The following TMTC1 variants were observed in gnomAD, a reference collection of about 807,000 sequenced individuals.
TMTC1 encodes the protein transmembrane O-mannosyltransferase targeting cadherins 1.
TMTC1 carries 73 observed loss-of-function variants against 104.8 expected under a neutral mutation model. The observed-to-expected ratio is 0.70, with a 90% CI of 0.58 to 0.85. TMTC1 has a LOEUF of 0.85. TMTC1 is among the 40% of genes least tolerant of loss of function. The pLI, the probability that TMTC1 is intolerant of heterozygous loss-of-function variation, is 0.00. For synonymous variants in TMTC1, 434 were observed against 428.7 expected, an observed-to-expected ratio of 1.01 and a Z score of -0.15; for missense variants, 1,035 against 1,096.1, an observed-to-expected ratio of 0.94 and a Z score of 0.79.
In TMTC1 at chr12:29,783,645, GC is replaced by G; in HGVS notation, c.106del (p.Ala36GlnfsTer23). 2.1e-6 allele frequency: 3 copies of G among 1,425,226 alleles called. No homozygotes were observed. Among genetic ancestry groups the G allele is most frequent in the Middle Eastern group, 2.5e-4 (1 of 3,946 alleles). 88.3% of individuals were successfully genotyped at this position (1,425,226 alleles called of 1,614,324 possible). ...PAGAAALLAG[A>X]SCLCYGRSLQ... ...GGAGCGGCCGTAGCACAGGCAGCTTGCCCCGGCCAGCAGCGCCGCGGCCCCG... is the reference window on the plus strand; with the variant it reads ...GGAGCGGCCGTAGCACAGGCAGCTTGCCCGGCCAGCAGCGCCGCGGCCCCG... On this transcript the variant is annotated frameshift_variant, in exon 1 of 18. Coordinates refer to ENST00000539277, the MANE Select transcript of TMTC1 (RefSeq NM_001193451.2). LOFTEE classifies it high-confidence loss of function. This position sits in a 1 kb window ranked among gnomAD's most constrained non-coding sequence, Gnocchi z 4.7.
At position 29,755,984 on chromosome 12, in the gene TMTC1, A is replaced by C. The variant is rs557745153; in HGVS notation, c.555-99T>G. On this transcript the variant is annotated intron_variant, in intron 3 of 17. Transcript: ENST00000539277. Reference sequence around the variant, plus strand: ...TAAGATCTAATGTCAATTTCATTGCATTCTAAGTAATTAAGCAGGTAAGTA... The same window carrying C: ...TAAGATCTAATGTCAATTTCATTGCCTTCTAAGTAATTAAGCAGGTAAGTA... 12 of 1,203,384 alleles carry C rather than the reference A, an allele frequency of 1.0e-5. No individual in the cohort carries two copies. In the African/African-American group the frequency reaches 1.1e-4, roughly 11 times the overall value. 74.5% of individuals were successfully genotyped at this position (1,203,384 alleles called of 1,614,324 possible). A position where few individuals can be genotyped will look rare whatever the true frequency, so the allele number is the denominator to read the frequency against.
rs547419570 is a variant in TMTC1, at chr12:29,595,691, A to ATTT, written c.1250+8486_1250+8487insAAA. ...GGGCACAGCGAGAGCAAAGGCACAGACACATTCAAGTTAAAATCTTTCTAA... is the reference window on the plus strand; with the variant it reads ...GGGCACAGCGAGAGCAAAGGCACAGATTTCACATTCAAGTTAAAATCTTTCTAA... On this transcript the variant is annotated intron_variant, in intron 7 of 17. Transcript: ENST00000539277. Among the ~76,000 whole-genome samples the ATTT allele has an allele frequency of 1.5e-3, 230 of 152,332 alleles. 1 individual carries two copies. The highest frequency in any genetic ancestry group is 2.6e-3 in the Non-Finnish European group (178 of 68,028).
intron 17 of TMTC1, among the ~76,000 whole-genome samples, chr12:29,509,786 T>G (rs762095840): frequency 6.6e-6 from 1 of 152,230 alleles, no homozygotes; most frequent in Non-Finnish European, 1.5e-5. Flanking sequence ...TACTCAGCAC[T>G]AATTATATTT....
chr12:29,699,296 T>C (rs1020371439), intron 5 of TMTC1, among the ~76,000 whole-genome samples: 1 of 152,222 alleles, frequency 6.6e-6, no homozygotes, highest in Non-Finnish European at 1.5e-5. Flanking sequence ...CACAATTTTA[T>C]GACTTTCTAT....
chr12:29,611,271 A>C (rs1371109147), intron 6 of TMTC1, among the ~76,000 whole-genome samples: 2 of 151,838 alleles, frequency 1.3e-5, no homozygotes, highest in Admixed American at 6.6e-5. Context: ...TGAGATTAAA[A>C]CGTCTTCTCT....
chr12:29,640,926 C>T (rs1938814532), intron 5 of TMTC1: 1 of 152,196 alleles, frequency 6.6e-6, no homozygotes. Flanking sequence ...GAGACCAGCC[C>T]TTCGGTTTGT....
At chr12:29,636,953 G>A (rs983605218) in intron 5 of TMTC1, among the ~76,000 whole-genome samples, 1 of 151,976 alleles carries the variant, frequency 6.6e-6, no homozygotes, top group Non-Finnish European at 1.5e-5. Context: ...CTAGTCCAGA[G>A]GCTGAGTTGA....
intron 5 of TMTC1, among the ~76,000 whole-genome samples, chr12:29,734,013 G>C (rs955897602): frequency 2.0e-5 from 3 of 152,078 alleles, no homozygotes; most frequent in Non-Finnish European, 2.9e-5. Context: ...AAAATGTCTT[G>C]CTTCTGATAT....
rs1327789288 is a variant in TMTC1 at position 29,667,514 on chromosome 12, C to T, written c.939-34178G>A. ...GCCATAGGAGAAAATAATTTCAGTT[C>T]TCTTAACCATTCTGCAAATTAAAGT... is the stretch of plus-strand genomic sequence containing the variant. On this transcript the variant is annotated intron_variant, in intron 5 of 17. Coordinates refer to ENST00000539277, the MANE Select transcript of TMTC1 (RefSeq NM_001193451.2). Among the ~76,000 whole-genome samples, 2 of 152,098 alleles carry T rather than the reference C, an allele frequency of 1.3e-5. 1 individual carries two copies. The highest frequency in any genetic ancestry group is 4.1e-4 in the South Asian group (2 of 4,828).
intron 7 of TMTC1, among the ~76,000 whole-genome samples, chr12:29,594,965 G>C (rs1257059934): frequency 6.6e-6 from 1 of 152,134 alleles, no homozygotes; most frequent in Non-Finnish European, 1.5e-5. Context: ...CTATATTTAT[G>C]TTTCTTTGAT....
chr12:29,513,896 C>T (rs573918099), intron 16 of TMTC1, among the ~76,000 whole-genome samples: 49 of 152,300 alleles, frequency 3.2e-4, no homozygotes, highest in African/African-American at 1.1e-3. Context: ...GACACACACA[C>T]ACACATACGG....
chr12:29,575,899 CA>C (rs1311976911), intron 8 of TMTC1, among the ~76,000 whole-genome samples: 1 of 152,172 alleles, frequency 6.6e-6, no homozygotes, highest in Non-Finnish European at 1.5e-5. Flanking sequence ...ACATCCACTC[CA>C]ACACTTGTTA....
At position 29,783,858 on chromosome 12, in the gene TMTC1, T is replaced by C. The variant is rs1355943027; in HGVS notation, c.-107A>G. Reference sequence around the variant, plus strand: ...GTCTGCCCGGAGGGGGGCTCGGGCATGGTGCTGCGGCAGCTGGACCCGCCG... The same window carrying C: ...GTCTGCCCGGAGGGGGGCTCGGGCACGGTGCTGCGGCAGCTGGACCCGCCG... On this transcript the variant is annotated 5_prime_UTR_variant, in exon 1 of 18. An upstream start codon of the reference 5' UTR is lost. Coordinates refer to ENST00000539277, the MANE Select transcript of TMTC1 (RefSeq NM_001193451.2). This position sits in a 1 kb window ranked among gnomAD's most constrained non-coding sequence, Gnocchi z 4.7. The C allele has an allele frequency of 4.9e-6, 5 of 1,014,350 alleles. No individual in the cohort carries two copies. The African/African-American group carries it at 5.2e-5, about 11-fold the overall frequency. 62.8% of individuals were successfully genotyped at this position (1,014,350 alleles called of 1,614,324 possible).
chr12:29,574,625 T>G (rs1029962595), intron 8 of TMTC1, among the ~76,000 whole-genome samples: 1 of 152,216 alleles, frequency 6.6e-6, no homozygotes, highest in Non-Finnish European at 1.5e-5. Flanking sequence ...GCCTCGCAGA[T>G]GGTCACATTC....
intron 5 of TMTC1, among the ~76,000 whole-genome samples, chr12:29,733,307 C>T (rs1406786154): frequency 6.6e-6 from 1 of 152,146 alleles, no homozygotes; most frequent in Non-Finnish European, 1.5e-5. Flanking sequence ...TCCACAGAGC[C>T]TCCTTCACGT....
At position 29,553,753 on chromosome 12, in the gene TMTC1, G is replaced by A. The variant is rs75604227; in HGVS notation, c.1676+3104C>T. Among the ~76,000 whole-genome samples, 5 of 152,278 alleles carry A rather than the reference G, an allele frequency of 3.3e-5. No homozygotes were observed. The East Asian group carries it at 9.6e-4, about 29-fold the overall frequency. On this transcript the variant is annotated intron_variant, in intron 10 of 17. Coordinates refer to ENST00000539277, the MANE Select transcript of TMTC1 (RefSeq NM_001193451.2). The stretch of plus-strand genomic sequence containing the variant: ...AGTAGCCATTGCCAAGTTCCAAAAT[G>A]CATTTTTAACTCACATGTACTAATT...
intron 5 of TMTC1, among the ~76,000 whole-genome samples, chr12:29,652,360 A>C (rs1348864861): frequency 1.3e-5 from 2 of 152,216 alleles, no homozygotes; most frequent in Non-Finnish European, 2.9e-5. Context: ...CCATAACTGC[A>C]TGCATTTCAA....
chr12:29,617,536 C>CAGAGAGAGAGAGAGAGAGAGAGAGAGAG (rs145115277), intron 6 of TMTC1, among the ~76,000 whole-genome samples: 111 of 134,958 alleles, frequency 8.2e-4, no homozygotes, highest in South Asian at 1.4e-3. Context: ...AAACAGACAA[C>CAGAGAGAGAGAGAGAGAGAGAGAGAGAG]AGAGAGAGAG....
chr12:29,608,617 A>G (rs563774949), intron 6 of TMTC1, among the ~76,000 whole-genome samples: 4 of 152,330 alleles, frequency 2.6e-5, no homozygotes, highest in Non-Finnish European at 5.9e-5. Flanking sequence ...TGTAGGAAAA[A>G]TGTGTGATAG....
Sources: gnomAD v4.1 joint callset for allele counts (sites outside exome capture counted in the v4.1 genomes callset) on GRCh38, gnomAD v4.1.1 for gene constraint, Gnocchi (gnomAD v3.1) non-coding constraint, MANE v1.5 for transcripts, NCBI Gene and HGNC (gene_info 2026-07-23, HGNC 2026-07-21) for gene names.